The following CENPP variants were observed in gnomAD, a reference collection of about 807,000 sequenced individuals.
CENPP encodes centromere protein P.
A neutral mutation model predicts 35.6 loss-of-function variants in CENPP; 24 were observed. That is an observed-to-expected ratio of 0.67 (90% CI 0.49 to 0.95). CENPP has a LOEUF of 0.95. Among genes scored for constraint, CENPP ranks in the 40% least tolerant of loss-of-function variants. The pLI is 0.00. For synonymous variants in CENPP, 120 were observed against 125.5 expected (o/e 0.96, Z 0.29); for missense variants, 332 against 345.3 (o/e 0.96, Z 0.31).
Position 92,619,501 on chromosome 9 carries a change from C to T in CENPP, c.*6352C>T, listed in dbSNP as rs1177827796. 6 of 1,591,048 alleles carry T rather than the reference C, an allele frequency of 3.8e-6. No homozygotes were observed. In the South Asian group the frequency reaches 4.6e-5, roughly 12 times the overall value. ...GGGGCCTCACCTGGCATCCTGCAGACAGGGAGACAGTGCAATCATGATGGA... is the reference window on the plus strand; with the variant it reads ...GGGGCCTCACCTGGCATCCTGCAGATAGGGAGACAGTGCAATCATGATGGA... On this transcript the variant is annotated 3_prime_UTR_variant, in exon 8 of 8. Transcript: ENST00000375587.
At chr9:92,409,828 C>T (rs1000493704) in intron 5 of CENPP, among the ~76,000 whole-genome samples, 2 of 152,184 alleles carry the variant, frequency 1.3e-5, no homozygotes, top group African/African-American at 4.8e-5. Flanking sequence ...TAGTCTGTAG[C>T]TCCGATAGGT....
intron 5 of CENPP, among the ~76,000 whole-genome samples, chr9:92,570,560 C>G (rs1480069288): frequency 1.3e-5 from 2 of 152,082 alleles, no homozygotes; most frequent in Non-Finnish European, 2.9e-5. Flanking sequence ...GTGTCTCCAC[C>G]AGGCTTTGGT....
At chr9:92,556,508 G>C (rs914405488) in intron 5 of CENPP, among the ~76,000 whole-genome samples, 5 of 152,216 alleles carry the variant, frequency 3.3e-5, no homozygotes, top group Middle Eastern at 3.4e-3. Context: ...ATAAATTTGG[G>C]AGCACCAGTG....
chr9:92,436,882 A>T (rs1023802612), intron 5 of CENPP, among the ~76,000 whole-genome samples: 7 of 152,074 alleles, frequency 4.6e-5, no homozygotes, highest in African/African-American at 1.7e-4. Context: ...TTCTACATAA[A>T]TTTTAGAATG....
At chr9:92,417,242 A>G in intron 5 of CENPP, 1 of 1,614,056 alleles carries the variant, frequency 6.2e-7, no homozygotes, top group South Asian at 1.1e-5. Flanking sequence ...ATTTGCAGTC[A>G]CAGCCTCAAT....
At chr9:92,385,604 G>A in intron 5 of CENPP, 1 of 1,607,530 alleles carries the variant, frequency 6.2e-7, no homozygotes, top group Non-Finnish European at 8.5e-7. Flanking sequence ...TCATTTATAT[G>A]TTGTACCAAT....
Position 92,345,786 on chromosome 9 carries a change from A to G in CENPP, c.466A>G (p.Arg156Gly). 2 of 1,578,174 alleles carry G rather than the reference A, an allele frequency of 1.3e-6. No individual in the cohort carries two copies. The highest frequency in any genetic ancestry group is 1.7e-6 in the Non-Finnish European group (2 of 1,150,838). ...ECSELSEFVS[R>G]AEERKDLFMF... is the part of the protein sequence containing the mutation. ...CTCAGAATTAAGTGAATTTGTGTCT[A>G]GGTAAGCTATTTTACAAACTTACTT... Residue 156 changes from arginine (R) to glycine (G), a missense_variant and splice_region_variant, in exon 4 of 8, where the codon AGA becomes GGA. Arg to Gly is a moderately radical substitution (Grantham distance 125, BLOSUM62 -2). Transcript: ENST00000375587.
intron 5 of CENPP, among the ~76,000 whole-genome samples, chr9:92,440,843 C>A (rs1844367505): frequency 6.6e-6 from 1 of 152,160 alleles, no homozygotes; most frequent in South Asian, 2.1e-4. Flanking sequence ...TGAAACATAT[C>A]CCCCAAGGTA....
chr9:92,555,214 ATTTTTTTTTTTTT>A lies in CENPP; in HGVS notation c.565-56081_565-56069del, dbSNP rs34701393. ...TCTGGTCTTGGACTTTTTTTTGGAA[ATTTTTTTTTTTTT>A]TTTTTTTTTTTTTTTTTTAGATGGA... On this transcript the variant is annotated intron_variant, in intron 5 of 7. Coordinates refer to ENST00000375587, the MANE Select transcript of CENPP (RefSeq NM_001012267.3). 9.1e-4 allele frequency among the ~76,000 whole-genome samples: 58 copies of A among 63,464 alleles called. 1 individual carries two copies. The highest frequency in any genetic ancestry group is 2.6e-3 in the African/African-American group (31 of 12,088). 41.6% of individuals were successfully genotyped at this position (63,464 alleles called of 152,430 possible).
At chr9:92,601,469 C>T (rs866042930) in intron 5 of CENPP, among the ~76,000 whole-genome samples, 7 of 152,248 alleles carry the variant, frequency 4.6e-5, no homozygotes, top group African/African-American at 1.7e-4. Flanking sequence ...ACAAAGTGCT[C>T]GAATATCCAG....
At chr9:92,467,650 A>G (rs1845364331) in intron 5 of CENPP, among the ~76,000 whole-genome samples, 1 of 152,124 alleles carries the variant, frequency 6.6e-6, no homozygotes, top group South Asian at 2.1e-4. Context: ...CCTCACTGGT[A>G]TTACTCATAT....
At chr9:92,609,075 A>T (rs1279483319) in intron 5 of CENPP, among the ~76,000 whole-genome samples, 1 of 152,258 alleles carries the variant, frequency 6.6e-6, no homozygotes, top group African/African-American at 2.4e-5. Flanking sequence ...ATTAATTTGG[A>T]AGAGCCTGCG....
At chr9:92,517,367 C>CCTTA in intron 5 of CENPP, 1 of 516,182 alleles carries the variant, frequency 1.9e-6, no homozygotes, top group South Asian at 2.3e-5. Flanking sequence ...AAAGCAGAGC[C>CCTTA]CTTAATGCAA....
chr9:92,557,799 C>T (rs1285722708), intron 5 of CENPP, among the ~76,000 whole-genome samples: 4 of 152,070 alleles, frequency 2.6e-5, no homozygotes, highest in African/African-American at 4.8e-5. Context: ...TGCACCACCA[C>T]GCCCGACTAA....
At position 92,614,471 on chromosome 9, in the gene CENPP, T is replaced by C. The variant is rs764028614; in HGVS notation, c.*1322T>C. 7 of 152,670 alleles carry C rather than the reference T, an allele frequency of 4.6e-5. No individual in the cohort carries two copies. Among genetic ancestry groups the C allele is most frequent in the Non-Finnish European group, 1.0e-4 (7 of 68,036 alleles). The allele number at this position is 152,670 out of a possible 1,614,324, so 9.5% of individuals were successfully genotyped here. ...AAGTGAGAAGAAAACAGTAAAAGTG[T>C]CCAGTTAGATAAGTATCTTTTTGCA... On this transcript the variant is annotated 3_prime_UTR_variant, in exon 8 of 8. Coordinates refer to ENST00000375587, the MANE Select transcript of CENPP (RefSeq NM_001012267.3).
chr9:92,414,237 G>A (rs1434416762), intron 5 of CENPP: 1 of 181,470 alleles, frequency 5.5e-6, no homozygotes, highest in African/African-American at 2.4e-5. Context: ...TGGCTGATAA[G>A]CATAAAGTGT....
intron 5 of CENPP, among the ~76,000 whole-genome samples, chr9:92,605,583 C>A (rs1564018874): frequency 6.6e-6 from 1 of 152,120 alleles, no homozygotes; most frequent in Non-Finnish European, 1.5e-5. Flanking sequence ...TCTCAGACAA[C>A]TGGATATTCA....
intron 5 of CENPP, among the ~76,000 whole-genome samples, chr9:92,506,870 A>G (rs1183851476): frequency 6.6e-6 from 1 of 152,052 alleles, no homozygotes; most frequent in Non-Finnish European, 1.5e-5. Flanking sequence ...GCTCAGAGAG[A>G]AGTACACTGG....
At position 92,514,002 on chromosome 9, in the gene CENPP, C is replaced by T. The variant is rs202120333; in HGVS notation, c.565-97312C>T. ...TGCTTTATACCTAACTGCTATTCTG[C>T]AGTAAACAGCTATCTCTTCTGCAAA... On this transcript the variant is annotated intron_variant, in intron 5 of 7. Transcript: ENST00000375587. Among the ~76,000 whole-genome samples the T allele has an allele frequency of 7.2e-4, 110 of 152,214 alleles. 1 individual carries two copies. In the East Asian group the frequency reaches 0.013, roughly 17 times the overall value.
Sources: gnomAD v4.1 joint callset for allele counts (sites outside exome capture counted in the v4.1 genomes callset) on GRCh38, gnomAD v4.1.1 for gene constraint, MANE v1.5 for transcripts, NCBI Gene and HGNC (gene_info 2026-07-23, HGNC 2026-07-21) for gene names.